COL5A2: variants seen among roughly 807,000 people sequenced by gnomAD.
COL5A2 encodes the protein collagen alpha-2(V) chain.
A neutral mutation model predicts 208.2 loss-of-function variants in COL5A2; 23 were observed. That is an observed-to-expected ratio of 0.11 (90% CI 0.08 to 0.16). COL5A2 has a LOEUF of 0.16. Ranked by LOEUF, COL5A2 falls within the 10% of genes least tolerant of loss-of-function variation. The pLI is 1.00. For synonymous variants in COL5A2, 625 were observed against 628.5 expected, an observed-to-expected ratio of 0.99 and a Z score of 0.08; for missense variants, 1,590 against 1,956.4, an observed-to-expected ratio of 0.81 and a Z score of 3.53.
chr2:189,315,592 A>T, the COL5A2 span, among the ~76,000 whole-genome samples: 1 of 152,312 alleles, frequency 6.6e-6, no homozygotes, highest in East Asian at 1.9e-4. Flanking sequence ...ACAATTGGGC[A>T]AGAGAAAGAA....
the COL5A2 span, among the ~76,000 whole-genome samples, chr2:189,378,333 T>C: frequency 7.0e-3 from 1,063 of 152,308 alleles, 4 homozygotes; most frequent in Admixed American, 0.015. Context: ...AAGAGCAACA[T>C]AGATGCCATC....
chr2:189,230,401 G>C, the COL5A2 span, among the ~76,000 whole-genome samples: 3 of 151,748 alleles, frequency 2.0e-5, no homozygotes, highest in African/African-American at 7.3e-5. Flanking sequence ...CAGAATGGAA[G>C]ACAATATTTG....
At chr2:189,112,637 T>C (rs891717610) in intron 1 of COL5A2, among the ~76,000 whole-genome samples, 1 of 152,196 alleles carries the variant, frequency 6.6e-6, no homozygotes, top group South Asian at 2.1e-4. Flanking sequence ...AAGTTTCTAA[T>C]CTGTTTTATC....
chr2:189,385,987 C>T, the COL5A2 span, among the ~76,000 whole-genome samples: 2 of 152,138 alleles, frequency 1.3e-5, no homozygotes, highest in African/African-American at 2.4e-5. Context: ...GAATGAGGAG[C>T]AACTCATGTC....
At chr2:189,060,968 C>A (rs567915801) in intron 30 of COL5A2, among the ~76,000 whole-genome samples, 185 bp from the exon 31 acceptor site, 1 of 151,790 alleles carries the variant, frequency 6.6e-6, no homozygotes, top group African/African-American at 2.4e-5. Flanking sequence ...ACCAATAAAA[C>A]ACAACAGCTA....
the COL5A2 span, among the ~76,000 whole-genome samples, chr2:189,370,781 G>T: frequency 6.6e-6 from 1 of 151,842 alleles, no homozygotes; most frequent in Non-Finnish European, 1.5e-5. Context: ...TTATACAATT[G>T]ACTGACTGAC....
At chr2:189,136,317 GT>G (rs1687825153) in intron 1 of COL5A2, among the ~76,000 whole-genome samples, 1 of 151,080 alleles carries the variant, frequency 6.6e-6, no homozygotes, top group Non-Finnish European at 1.5e-5. Flanking sequence ...AAATACCTGA[GT>G]ACAAATTTAC....
At chr2:189,199,452 G>T (rs1225747543) in intron 1 of COL5A2, among the ~76,000 whole-genome samples, 3 of 152,122 alleles carry the variant, frequency 2.0e-5, no homozygotes, top group Non-Finnish European at 4.4e-5. Context: ...ATATAAAAAT[G>T]TCCATCATAC....
the COL5A2 span, among the ~76,000 whole-genome samples, chr2:189,437,448 T>C: frequency 1.3e-5 from 2 of 152,202 alleles, no homozygotes; most frequent in Admixed American, 1.3e-4. Context: ...GGACCACACT[T>C]TGTGCAACAA....
At chr2:189,398,729 G>A in the COL5A2 span, among the ~76,000 whole-genome samples, 1 of 151,960 alleles carries the variant, frequency 6.6e-6, no homozygotes, top group Non-Finnish European at 1.5e-5. Flanking sequence ...TCATTTAATT[G>A]GTGTCATTCA....
chr2:189,259,123 C>CT, the COL5A2 span, among the ~76,000 whole-genome samples: 1 of 152,164 alleles, frequency 6.6e-6, no homozygotes, highest in Admixed American at 6.6e-5. Flanking sequence ...TCAATCGTGA[C>CT]TTTCAGTACC....
At chr2:189,398,619 T>C in the COL5A2 span, among the ~76,000 whole-genome samples, 2 of 152,166 alleles carry the variant, frequency 1.3e-5, no homozygotes, top group South Asian at 4.1e-4. Flanking sequence ...ATGACATATC[T>C]TCTTCAATCC....
chr2:189,381,384 T>C, the COL5A2 span, among the ~76,000 whole-genome samples: 3 of 152,100 alleles, frequency 2.0e-5, no homozygotes, highest in African/African-American at 7.2e-5. Context: ...ATATTTAGAT[T>C]GCAATTTTTA....
chr2:189,310,546 A>G, the COL5A2 span, among the ~76,000 whole-genome samples: 2 of 152,206 alleles, frequency 1.3e-5, no homozygotes, highest in Non-Finnish European at 2.9e-5. Context: ...TTGAGCTACC[A>G]TATGATCCAG....
intron 1 of COL5A2, among the ~76,000 whole-genome samples, chr2:189,132,349 T>C (rs1051552903): frequency 1.3e-5 from 2 of 152,216 alleles, no homozygotes; most frequent in African/African-American, 4.8e-5. Context: ...TTTTACGTTT[T>C]TCTTTTAATT....
At chr2:189,044,376 T>C (rs975489216) in intron 47 of COL5A2, among the ~76,000 whole-genome samples, 7 of 152,202 alleles carry the variant, frequency 4.6e-5, no homozygotes, top group African/African-American at 1.7e-4. Flanking sequence ...TTTTTCATAA[T>C]GTTCGAAAGG....
chr2:189,353,968 TA>T, the COL5A2 span, among the ~76,000 whole-genome samples: 2 of 152,198 alleles, frequency 1.3e-5, no homozygotes, highest in Non-Finnish European at 2.9e-5. Context: ...CATCAATACC[TA>T]GTTTATTGAC....
At chr2:189,100,376 T>C (rs965586925) in intron 3 of COL5A2, among the ~76,000 whole-genome samples, 4 of 152,146 alleles carry the variant, frequency 2.6e-5, no homozygotes, top group Non-Finnish European at 5.9e-5. Flanking sequence ...TATGTAAAGC[T>C]ATTTTGCTTC....
the COL5A2 span, among the ~76,000 whole-genome samples, chr2:189,305,910 G>A: frequency 1.3e-5 from 2 of 151,800 alleles, no homozygotes; most frequent in Admixed American, 1.3e-4. Flanking sequence ...ATTAGGACAT[G>A]TTTGATCCAC....
Sources: gnomAD v4.1 joint callset for allele counts (sites outside exome capture counted in the v4.1 genomes callset) on GRCh38, gnomAD v4.1.1 for gene constraint, MANE v1.5 for transcripts, NCBI Gene and HGNC (gene_info 2026-07-23, HGNC 2026-07-21) for gene names.